STXBP5L: variants seen among roughly 807,000 people sequenced by gnomAD.
The protein encoded by STXBP5L is syntaxin-binding protein 5-like.
Under a neutral mutation model 144.5 loss-of-function variants are expected in STXBP5L, and 65 were observed. The ratio of observed to expected loss-of-function variants is 0.45; its 90% confidence interval spans 0.37 to 0.55. STXBP5L has a LOEUF of 0.55. Ranked by LOEUF, STXBP5L falls within the 20% of genes least tolerant of loss-of-function variation. The probability of loss-of-function intolerance (pLI) is 0.00; values close to 1 mark genes in which losing one functional copy is unlikely to be tolerated. For synonymous variants in STXBP5L, 505 were observed against 469.6 expected, an observed-to-expected ratio of 1.08 and a Z score of -0.97; for missense variants, 1,298 against 1,405.5, an observed-to-expected ratio of 0.92 and a Z score of 1.22.
intron 3 of STXBP5L, among the ~76,000 whole-genome samples, chr3:121,027,285 T>G (rs958362293): frequency 6.6e-6 from 1 of 152,152 alleles, no homozygotes; most frequent in African/African-American, 2.4e-5. Context: ...ATATAGTTAA[T>G]CATGATTTAA....
chr3:121,349,001 T>A (rs2045142247), intron 20 of STXBP5L, among the ~76,000 whole-genome samples: 2 of 152,164 alleles, frequency 1.3e-5, no homozygotes, highest in Non-Finnish European at 2.9e-5. Context: ...TTCTGTTAGC[T>A]TTTGAATGTG....
intron 20 of STXBP5L, among the ~76,000 whole-genome samples, chr3:121,321,362 C>T (rs1043426517): frequency 3.3e-5 from 5 of 152,058 alleles, no homozygotes; most frequent in African/African-American, 9.7e-5. Flanking sequence ...GAAATAATCA[C>T]AATATTTACT....
intron 20 of STXBP5L, among the ~76,000 whole-genome samples, chr3:121,334,204 A>G (rs1219143411): frequency 6.6e-6 from 1 of 152,136 alleles, no homozygotes; most frequent in East Asian, 1.9e-4. Context: ...TGTCTTTTGT[A>G]AATTGTCCAG....
At chr3:121,340,156 C>T (rs2044655217) in intron 20 of STXBP5L, among the ~76,000 whole-genome samples, 1 of 152,088 alleles carries the variant, frequency 6.6e-6, no homozygotes, top group Non-Finnish European at 1.5e-5. Flanking sequence ...TCAAATTGTA[C>T]TACAATGCTG....
intron 5 of STXBP5L, among the ~76,000 whole-genome samples, chr3:121,101,112 C>CAAAAA (rs142123357): frequency 6.6e-6 from 1 of 150,462 alleles, no homozygotes; most frequent in Admixed American, 6.6e-5. Context: ...ATCTGCCAAA[C>CAAAAA]AAAAAAAAAG....
At chr3:121,365,254 T>A (rs1360659208) in intron 20 of STXBP5L, among the ~76,000 whole-genome samples, 1 of 151,874 alleles carries the variant, frequency 6.6e-6, no homozygotes, top group African/African-American at 2.4e-5. Context: ...TCTAGCTTGG[T>A]AACAGGGTAA....
At chr3:121,004,930 A>T (rs916032046) in intron 3 of STXBP5L, among the ~76,000 whole-genome samples, 55 of 152,166 alleles carry the variant, frequency 3.6e-4, no homozygotes, top group African/African-American at 1.2e-3. Context: ...AAGCTTTTTG[A>T]TGTGCTCCTG....
At chr3:121,063,565 T>C (rs1000370100) in intron 5 of STXBP5L, among the ~76,000 whole-genome samples, 1 of 152,168 alleles carries the variant, frequency 6.6e-6, no homozygotes, top group African/African-American at 2.4e-5. Flanking sequence ...GCCAGGAATG[T>C]TTAAGTCTGC....
intron 9 of STXBP5L, among the ~76,000 whole-genome samples, chr3:121,181,848 A>C (rs936564484): frequency 1.3e-5 from 2 of 152,192 alleles, no homozygotes; most frequent in African/African-American, 4.8e-5. Context: ...ACTTCAGGTA[A>C]AGGGGTGGAA....
intron 7 of STXBP5L, among the ~76,000 whole-genome samples, chr3:121,137,213 A>T (rs2045298728): frequency 6.6e-6 from 1 of 152,040 alleles, no homozygotes; most frequent in African/African-American, 2.4e-5. Context: ...CTGCACACGT[A>T]CCCCTTAAAC....
chr3:121,050,703 C>A (rs1387544657), intron 5 of STXBP5L, among the ~76,000 whole-genome samples: 3 of 152,184 alleles, frequency 2.0e-5, no homozygotes, highest in African/African-American at 7.2e-5. Flanking sequence ...CAGCTAACAT[C>A]ATAATGACAG....
At chr3:121,187,046 C>T (rs1294828977) in intron 9 of STXBP5L, among the ~76,000 whole-genome samples, 1 of 152,148 alleles carries the variant, frequency 6.6e-6, no homozygotes, top group African/African-American at 2.4e-5. Flanking sequence ...CCATTTGACC[C>T]AGCCATCCCA....
intron 3 of STXBP5L, among the ~76,000 whole-genome samples, chr3:120,994,066 G>C (rs1463787278): frequency 2.0e-5 from 3 of 151,824 alleles, no homozygotes; most frequent in African/African-American, 7.3e-5. Flanking sequence ...AAACGGGATT[G>C]CTGTCTCAAT....
At chr3:120,932,603 T>C (rs1047418800) in intron 2 of STXBP5L, among the ~76,000 whole-genome samples, 2 of 145,506 alleles carry the variant, frequency 1.4e-5, no homozygotes, top group African/African-American at 5.1e-5. Flanking sequence ...CTGTTGGGAC[T>C]GTAAACTAGT....
intron 19 of STXBP5L, 57 bp from the exon 20 acceptor site, chr3:121,318,418 G>C: frequency 3.6e-6 from 5 of 1,370,554 alleles, no homozygotes; most frequent in Non-Finnish European, 5.0e-6. Flanking sequence ...TAAGAAATAA[G>C]AATAACCTAC....
At chr3:121,123,103 A>G (rs1460550062) in intron 7 of STXBP5L, among the ~76,000 whole-genome samples, 1 of 151,568 alleles carries the variant, frequency 6.6e-6, no homozygotes, top group Non-Finnish European at 1.5e-5. Context: ...GGCAGTGAGG[A>G]GGAAACAGTC....
rs560141312 is a variant in STXBP5L at position 121,378,568 on chromosome 3, C to A, written c.2177-148C>A. On this transcript the variant is annotated intron_variant, in intron 20 of 26. Coordinates refer to ENST00000471454, the MANE Select transcript of STXBP5L (RefSeq NM_001308330.2). ...CTAACTACTAAAATTATGACTAAGT[C>A]TTAAAAGAACAAGGACTTAACTATA... is the stretch of plus-strand genomic sequence containing the variant. 4.3e-6 allele frequency: 4 copies of A among 930,174 alleles called. No individual in the cohort carries two copies. In the South Asian group the frequency reaches 8.8e-5, roughly 20 times the overall value. The allele number at this position is 930,174 out of a possible 1,614,324, so 57.6% of individuals were successfully genotyped here.
intron 9 of STXBP5L, among the ~76,000 whole-genome samples, chr3:121,161,923 G>A (rs1469964827): frequency 1.3e-5 from 2 of 151,992 alleles, no homozygotes; most frequent in African/African-American, 4.8e-5. Flanking sequence ...ACTTGAAAAT[G>A]AAATATGATA....
At chr3:121,161,743 A>G (rs185174602) in intron 9 of STXBP5L, among the ~76,000 whole-genome samples, 3 of 152,248 alleles carry the variant, frequency 2.0e-5, no homozygotes, top group Admixed American at 6.5e-5. Flanking sequence ...TACCAGTTAC[A>G]TATGCAATCA....
Sources: gnomAD v4.1 joint callset for allele counts (sites outside exome capture counted in the v4.1 genomes callset) on GRCh38, gnomAD v4.1.1 for gene constraint, MANE v1.5 for transcripts, NCBI Gene and HGNC (gene_info 2026-07-23, HGNC 2026-07-21) for gene names.